ADCY2: variants seen among roughly 807,000 people sequenced by gnomAD.
The protein encoded by ADCY2 is adenylate cyclase type 2.
A neutral mutation model predicts 125.2 loss-of-function variants in ADCY2; 31 were observed. The observed-to-expected ratio is 0.25, with a 90% CI of 0.19 to 0.33. The LOEUF (loss-of-function observed/expected upper bound fraction) is 0.33, where lower values mean the gene tolerates loss of function less well. Ranked by LOEUF, ADCY2 falls within the 10% of genes least tolerant of loss-of-function variation. The pLI is 1.00. For synonymous variants in ADCY2, 512 were observed against 548.4 expected, an observed-to-expected ratio of 0.93 and a Z score of 0.93; for missense variants, 904 against 1,418.2, an observed-to-expected ratio of 0.64 and a Z score of 5.82.
intron 4 of ADCY2, among the ~76,000 whole-genome samples, chr5:7,673,543 T>C (rs1740012955): frequency 6.6e-6 from 1 of 152,104 alleles, no homozygotes; most frequent in Admixed American, 6.5e-5. Flanking sequence ...GCATTGGAGT[T>C]GGGTACTTCA....
chr5:7,677,932 G>C (rs935150036), intron 4 of ADCY2, among the ~76,000 whole-genome samples: 7 of 152,132 alleles, frequency 4.6e-5, no homozygotes, highest in African/African-American at 1.7e-4. Flanking sequence ...AGAAATCTCT[G>C]CATAAGATTT....
At chr5:7,549,622 T>C (rs1340503027) in intron 3 of ADCY2, among the ~76,000 whole-genome samples, 3 of 152,182 alleles carry the variant, frequency 2.0e-5, no homozygotes, top group Non-Finnish European at 2.9e-5. Context: ...TCTGAAGAGT[T>C]CTCTCCCTGT....
At chr5:7,661,737 T>A (rs1226410747) in intron 4 of ADCY2, among the ~76,000 whole-genome samples, 1 of 152,196 alleles carries the variant, frequency 6.6e-6, no homozygotes, top group African/African-American at 2.4e-5. Context: ...TTCTTGAAAT[T>A]CAACCAAAAA....
At chr5:7,819,296 A>G (rs2126539884) in intron 23 of ADCY2, among the ~76,000 whole-genome samples, 1 of 152,326 alleles carries the variant, frequency 6.6e-6, no homozygotes, top group South Asian at 2.1e-4. Context: ...AATTAATTTG[A>G]CATTTAGTAT....
intron 3 of ADCY2, among the ~76,000 whole-genome samples, chr5:7,602,928 G>A (rs751684882): frequency 1.4e-4 from 22 of 152,150 alleles, no homozygotes; most frequent in Non-Finnish European, 2.8e-4. Context: ...TCACATAAAA[G>A]GAAGTCCAGA....
At chr5:7,460,899 T>A (rs1161320915) in intron 2 of ADCY2, among the ~76,000 whole-genome samples, 1 of 152,222 alleles carries the variant, frequency 6.6e-6, no homozygotes, top group African/African-American at 2.4e-5. Flanking sequence ...TTTGCTTCTA[T>A]CATTCGAGAG....
At chr5:7,584,735 G>T (rs1487585690) in intron 3 of ADCY2, among the ~76,000 whole-genome samples, 1 of 152,118 alleles carries the variant, frequency 6.6e-6, no homozygotes, top group Non-Finnish European at 1.5e-5. Flanking sequence ...TGTACAAAAA[G>T]ATCATATCTT....
At chr5:7,607,510 A>G (rs978967236) in intron 3 of ADCY2, among the ~76,000 whole-genome samples, 1 of 152,160 alleles carries the variant, frequency 6.6e-6, no homozygotes, top group African/African-American at 2.4e-5. Context: ...AAGTGATTCC[A>G]CTGCACAGCC....
intron 1 of ADCY2, among the ~76,000 whole-genome samples, chr5:7,402,875 A>G (rs530943838): frequency 1.1e-3 from 175 of 152,350 alleles, no homozygotes; most frequent in African/African-American, 4.1e-3. Context: ...TCCCGTGAAT[A>G]AATCAGGTCT....
chr5:7,417,540 A>G (rs1740002306), intron 2 of ADCY2, among the ~76,000 whole-genome samples: 1 of 152,226 alleles, frequency 6.6e-6, no homozygotes, highest in African/African-American at 2.4e-5. Context: ...TGATGGGAAC[A>G]TGGAAGATTC....
intron 1 of ADCY2, among the ~76,000 whole-genome samples, chr5:7,399,430 T>C (rs1435187464): frequency 6.6e-6 from 1 of 152,232 alleles, no homozygotes; most frequent in East Asian, 1.9e-4. Flanking sequence ...CTAATTGATA[T>C]TGTTCACAAA....
chr5:7,504,209 AAATGAAG>A (rs1743711718), intron 2 of ADCY2, among the ~76,000 whole-genome samples: 2 of 152,212 alleles, frequency 1.3e-5, no homozygotes, highest in Non-Finnish European at 2.9e-5. Flanking sequence ...GCTACCTCTT[AAATGAAG>A]AACCTGTTTG....
chr5:7,487,091 G>A (rs1396051432), intron 2 of ADCY2, among the ~76,000 whole-genome samples: 3 of 152,224 alleles, frequency 2.0e-5, no homozygotes, highest in African/African-American at 7.2e-5. Flanking sequence ...CTTTCAAGAT[G>A]TCTTAAAAAG....
At chr5:7,451,762 C>A (rs1411012757) in intron 2 of ADCY2, among the ~76,000 whole-genome samples, 6 of 151,824 alleles carry the variant, frequency 4.0e-5, no homozygotes. Context: ...TGTCTTTATC[C>A]TTTTAAATTT....
intron 2 of ADCY2, among the ~76,000 whole-genome samples, chr5:7,428,911 C>A (rs35095505): frequency 1.3e-5 from 2 of 152,010 alleles, no homozygotes; most frequent in African/African-American, 4.8e-5. Context: ...CAAACAGAGC[C>A]CAGCTAATTG....
chr5:7,401,545 C>T (rs1253715475), intron 1 of ADCY2, among the ~76,000 whole-genome samples: 2 of 152,184 alleles, frequency 1.3e-5, no homozygotes, highest in Non-Finnish European at 2.9e-5. Context: ...TTTTTCTCTT[C>T]CAGAGTTAAA....
At chr5:7,613,351 A>T (rs891754320) in intron 3 of ADCY2, among the ~76,000 whole-genome samples, 1 of 152,158 alleles carries the variant, frequency 6.6e-6, no homozygotes, top group African/African-American at 2.4e-5. Context: ...TTATCACCTA[A>T]TGAATGACAC....
At chr5:7,553,398 C>CT (rs1735401946) in intron 3 of ADCY2, among the ~76,000 whole-genome samples, 1 of 152,272 alleles carries the variant, frequency 6.6e-6, no homozygotes, top group East Asian at 1.9e-4. Flanking sequence ...GGGCTCTCTA[C>CT]TTAGGTCAAA....
chr5:7,704,251 A>G (rs774477624), intron 7 of ADCY2, among the ~76,000 whole-genome samples: 1 of 152,164 alleles, frequency 6.6e-6, no homozygotes, highest in Non-Finnish European at 1.5e-5. Context: ...TCTCAGTGTC[A>G]GGAACCAGCA....
Sources: allele counts gnomAD v4.1 joint callset (sites outside exome capture counted in the v4.1 genomes callset), GRCh38; gene constraint gnomAD v4.1.1; transcripts MANE v1.5; gene names NCBI Gene and HGNC (gene_info 2026-07-23, HGNC 2026-07-21).